Variants in ZFAND4 observed in about 807,000 individuals in gnomAD.
ZFAND4 encodes AN1-type zinc finger protein 4.
Under a neutral mutation model 64.4 loss-of-function variants are expected in ZFAND4, and 43 were observed. That is an observed-to-expected ratio of 0.67 (90% CI 0.52 to 0.86). The LOEUF (loss-of-function observed/expected upper bound fraction) is 0.86, where lower values mean the gene tolerates loss of function less well. Ranked by LOEUF, ZFAND4 falls within the 40% of genes least tolerant of loss-of-function variation. ZFAND4 has a pLI of 0.00. For synonymous variants in ZFAND4, 296 were observed against 305.7 expected (o/e 0.97, Z 0.33); for missense variants, 929 against 859.8 (o/e 1.08, Z -1.01).
At chr10:45,669,580 A>G (rs1052579591) in intron 1 of ZFAND4, among the ~76,000 whole-genome samples, 1 of 152,188 alleles carries the variant, frequency 6.6e-6, no homozygotes, top group Non-Finnish European at 1.5e-5. Context: ...ACAACAAAAA[A>G]AGAGAATTTT....
intron 5 of ZFAND4, among the ~76,000 whole-genome samples, chr10:45,645,654 T>C (rs527924456): frequency 4.6e-5 from 7 of 152,322 alleles, no homozygotes; most frequent in Non-Finnish European, 2.9e-5. Flanking sequence ...TAACAACAAC[T>C]AGTGTTTGAA....
chr10:45,666,964 C>T (rs1397792060), intron 1 of ZFAND4, among the ~76,000 whole-genome samples: 1 of 152,116 alleles, frequency 6.6e-6, no homozygotes, highest in African/African-American at 2.4e-5. Context: ...AGATTGTTGG[C>T]TATTCTGGAC....
intron 6 of ZFAND4, among the ~76,000 whole-genome samples, chr10:45,631,454 G>A (rs2046219688): frequency 6.7e-6 from 1 of 149,556 alleles, no homozygotes; most frequent in African/African-American, 2.5e-5. Context: ...CAAGTGTATA[G>A]TGAAAATTGA....
intron 6 of ZFAND4, among the ~76,000 whole-genome samples, chr10:45,629,580 G>A (rs2046068608): frequency 1.3e-5 from 2 of 152,132 alleles, no homozygotes; most frequent in Admixed American, 6.5e-5. Flanking sequence ...ATTGATTTGA[G>A]CCAGGCATGG....
intron 5 of ZFAND4, among the ~76,000 whole-genome samples, chr10:45,646,997 A>T (rs988630087): frequency 2.6e-5 from 4 of 151,878 alleles, no homozygotes; most frequent in African/African-American, 9.7e-5. Flanking sequence ...TTCATGTAAC[A>T]CTCTGTGGAG....
intron 8 of ZFAND4, among the ~76,000 whole-genome samples, chr10:45,622,744 T>A (rs2045520801): frequency 6.6e-6 from 1 of 152,234 alleles, no homozygotes; most frequent in South Asian, 2.1e-4. Flanking sequence ...GAACATCAGA[T>A]ACTTCATTGG....
In ZFAND4 at chr10:45,616,371, A is replaced by G; in HGVS notation, c.*65T>C. 6.3e-7 allele frequency: 1 copy of G among 1,581,502 alleles called. No homozygotes were observed. The highest frequency in any genetic ancestry group is 1.8e-5 in the Admixed American group (1 of 54,848). ...TAGAGTCGAACAAAAATAATAGTCT[A>G]AACAACATTTCTTCTGTCATTATAA... On this transcript the variant is annotated 3_prime_UTR_variant, in exon 10 of 10. Transcript: ENST00000344646.
intron 7 of ZFAND4, 49 bp from the exon 8 acceptor site, chr10:45,624,686 G>T (rs768353985): frequency 1.9e-5 from 28 of 1,458,688 alleles, no homozygotes; most frequent in Non-Finnish European, 2.7e-5. Context: ...ATGAAGAATA[G>T]AAATGATCAA....
intron 1 of ZFAND4, among the ~76,000 whole-genome samples, chr10:45,667,572 G>A (rs887805325): frequency 2.0e-5 from 3 of 148,738 alleles, no homozygotes; most frequent in Non-Finnish European, 3.0e-5. Context: ...GAGTTCAAGC[G>A]ATTCGCCTGT....
intron 4 of ZFAND4, chr10:45,651,439 T>G: frequency 2.5e-6 from 1 of 395,564 alleles, no homozygotes; most frequent in Non-Finnish European, 5.2e-6. Context: ...AACATTGCAC[T>G]GACCATTCAG....
At chr10:45,634,478 G>A (rs1439409978) in intron 6 of ZFAND4, among the ~76,000 whole-genome samples, 2 of 147,944 alleles carry the variant, frequency 1.4e-5, no homozygotes, top group Non-Finnish European at 3.0e-5. Flanking sequence ...GCAGTGAGCC[G>A]AGACCACACC....
At chr10:45,642,115 A>T (rs1229675899) in intron 5 of ZFAND4, among the ~76,000 whole-genome samples, 4 of 152,172 alleles carry the variant, frequency 2.6e-5, no homozygotes, top group Non-Finnish European at 2.9e-5. Flanking sequence ...AGAAGGAATA[A>T]CTCAAGTATA....
intron 2 of ZFAND4, among the ~76,000 whole-genome samples, chr10:45,658,950 T>A (rs2048306561): frequency 6.6e-6 from 1 of 152,306 alleles, no homozygotes; most frequent in Non-Finnish European, 1.5e-5. Context: ...AATTAGGTAG[T>A]AAGGTAAATC....
At position 45,626,176 on chromosome 10, in the gene ZFAND4, G is replaced by C; in HGVS notation, c.1647C>G (p.Ile549Met). 1 of 1,614,112 alleles carries C rather than the reference G, an allele frequency of 6.2e-7. No individual in the cohort carries two copies. The highest frequency in any genetic ancestry group is 8.5e-7 in the Non-Finnish European group (1 of 1,180,032). The change falls in exon 7 of 10, where the codon ATC becomes ATG. Residue 549 changes from isoleucine (I) to methionine (M), a missense_variant. Coordinates refer to ENST00000344646, the MANE Select transcript of ZFAND4 (RefSeq NM_174890.4). ...TGGAAGCCTTGTTAGTCATTTCTGT[G>C]ATATCCCGAGCCTCAACTTTGGAAA... ...DVISKVEARDITEMTNKASKE... is the reference protein window; with the variant it reads ...DVISKVEARDMTEMTNKASKE...
At chr10:45,623,025 G>T (rs75793695) in intron 8 of ZFAND4, among the ~76,000 whole-genome samples, 3,888 of 152,208 alleles carry the variant, frequency 0.026, 70 homozygotes, top group East Asian at 0.052. Flanking sequence ...TCAATAATCA[G>T]TAACACTAAT....
At chr10:45,656,090 G>T (rs1370478267) in intron 2 of ZFAND4, among the ~76,000 whole-genome samples, 2 of 152,048 alleles carry the variant, frequency 1.3e-5, no homozygotes, top group Non-Finnish European at 2.9e-5. Flanking sequence ...AATTAGCTGG[G>T]CGTGGTGGCA....
chr10:45,654,304 G>T (rs923376369), intron 2 of ZFAND4, among the ~76,000 whole-genome samples: 1 of 152,028 alleles, frequency 6.6e-6, no homozygotes, highest in Non-Finnish European at 1.5e-5. Context: ...TGTATCCACT[G>T]AACCTAAAAG....
Position 45,616,569 on chromosome 10 carries a change from C to T in ZFAND4, c.2051G>A (p.Cys684Tyr), listed in dbSNP as rs774361220. Residue 684 changes from cysteine (C) to tyrosine (Y), a missense_variant and splice_region_variant, in exon 10 of 10, where the codon TGT (cysteine) becomes TAT (tyrosine). Coordinates refer to ENST00000344646, the MANE Select transcript of ZFAND4 (RefSeq NM_174890.4). ...ATGAGATGCACAGAAGTTGTTTCCA[C>T]ATCTAAAGCACAAAAAAAGTTTACG... The part of the protein sequence containing the change: ...TGLASSYECR[C>Y]GNNFCASHRY... 3 of 1,613,806 alleles carry T rather than the reference C, an allele frequency of 1.9e-6. No individual in the cohort carries two copies. In the South Asian group the frequency reaches 3.3e-5, roughly 18 times the overall value.
chr10:45,620,794 C>G (rs1002364906), intron 8 of ZFAND4: 2 of 152,200 alleles, frequency 1.3e-5, no homozygotes, highest in Admixed American at 1.3e-4. Context: ...AAGGATGTAC[C>G]AAGTCCTTCC....
Sources: allele counts gnomAD v4.1 joint callset (sites outside exome capture counted in the v4.1 genomes callset), GRCh38; gene constraint gnomAD v4.1.1; transcripts MANE v1.5; gene names NCBI Gene and HGNC (gene_info 2026-07-23, HGNC 2026-07-21).